The following PMFBP1 variants were observed in gnomAD, a reference collection of about 807,000 sequenced individuals.
The protein encoded by PMFBP1 is polyamine modulated factor 1 binding protein 1, also known as polyamine-modulated factor 1-binding protein 1.
In PMFBP1, 131 loss-of-function variants were observed where a neutral mutation model predicts 137.8. That is an observed-to-expected ratio of 0.95 (90% CI 0.82 to 1.10). The LOEUF is 1.10. Among genes scored for constraint, PMFBP1 ranks in the 50% least tolerant of loss-of-function variants. The probability of loss-of-function intolerance (pLI) is 0.00; values close to 1 mark genes in which losing one functional copy is unlikely to be tolerated. For missense variants in PMFBP1, 1,199 were observed against 1,175.4 expected (o/e 1.02, Z -0.29); for synonymous variants, 490 against 450.4 (o/e 1.09, Z -1.11).
chr16:72,192,767 T>A, the PMFBP1 span, among the ~76,000 whole-genome samples: 1 of 152,108 alleles, frequency 6.6e-6, no homozygotes, highest in East Asian at 1.9e-4. Context: ...CCAGGTGTGG[T>A]GGCACATGCC....
At chr16:72,202,471 C>G in the PMFBP1 span, among the ~76,000 whole-genome samples, 5 of 152,206 alleles carry the variant, frequency 3.3e-5, no homozygotes, top group African/African-American at 7.2e-5. Flanking sequence ...AGCCACTGAG[C>G]CTGGCCCTGA....
At chr16:72,135,105 G>A (rs1322627578) in intron 9 of PMFBP1, among the ~76,000 whole-genome samples, 2 of 152,112 alleles carry the variant, frequency 1.3e-5, no homozygotes, top group African/African-American at 4.8e-5. Flanking sequence ...TGTTTTGACG[G>A]GCATATCTCC....
chr16:72,179,345 G>C (rs2043268988), upstream of PMFBP1, among the ~76,000 whole-genome samples: 1 of 152,142 alleles, frequency 6.6e-6, no homozygotes, highest in Non-Finnish European at 1.5e-5. Flanking sequence ...ATTTCCACAA[G>C]AGCAACATTT....
the PMFBP1 span, among the ~76,000 whole-genome samples, chr16:72,184,987 A>C: frequency 1.3e-5 from 2 of 151,824 alleles, no homozygotes; most frequent in Non-Finnish European, 2.9e-5. Context: ...AGTGTTCCTT[A>C]AATGGTTTAG....
chr16:72,151,775 C>T (rs8052338), intron 4 of PMFBP1, among the ~76,000 whole-genome samples: 67,952 of 151,970 alleles, frequency 0.45, 15,617 homozygotes, highest in South Asian at 0.57. Flanking sequence ...CTGTCAGTGG[C>T]CAGCCCATAT....
chr16:72,200,643 T>C, the PMFBP1 span, among the ~76,000 whole-genome samples: 1 of 152,276 alleles, frequency 6.6e-6, no homozygotes, highest in African/African-American at 2.4e-5. Flanking sequence ...TGTGCTATTA[T>C]GCTAATATCT....
chr16:72,193,075 G>A, the PMFBP1 span, among the ~76,000 whole-genome samples: 1 of 151,976 alleles, frequency 6.6e-6, no homozygotes. Flanking sequence ...CTATATGGAG[G>A]ACCCTCTAAT....
chr16:72,123,101 C>G (rs12935266), intron 18 of PMFBP1, 113 bp from the exon 19 acceptor site: 541,290 of 909,908 alleles, frequency 0.59, 163,643 homozygotes, highest in African/African-American at 0.77. Flanking sequence ...CTGCATCCCA[C>G]GTCCCCCACG....
At chr16:72,228,107 C>T in the PMFBP1 span, among the ~76,000 whole-genome samples, 1 of 152,104 alleles carries the variant, frequency 6.6e-6, no homozygotes. Flanking sequence ...TTTTGTTAAA[C>T]ATCTTAAGGA....
At chr16:72,157,471 C>T (rs961882262) in intron 3 of PMFBP1, among the ~76,000 whole-genome samples, 7 of 152,002 alleles carry the variant, frequency 4.6e-5, no homozygotes, top group African/African-American at 1.4e-4. Context: ...GGAGTGATGG[C>T]CTTGGAGGTG....
upstream of PMFBP1, among the ~76,000 whole-genome samples, chr16:72,178,799 G>A (rs968913549): frequency 6.6e-6 from 1 of 152,104 alleles, no homozygotes; most frequent in East Asian, 1.9e-4. Flanking sequence ...TGGAGTCAGG[G>A]CTCACATTTT....
the PMFBP1 span, among the ~76,000 whole-genome samples, chr16:72,206,157 C>G: frequency 6.6e-6 from 1 of 152,158 alleles, no homozygotes. Context: ...TTAAAATGTA[C>G]AGGTAGATCT....
Position 72,130,692 on chromosome 16 carries a change from G to GCCTC in PMFBP1, c.1474_1477dup (p.Ala493GlyfsTer48). 6.2e-7 allele frequency: 1 copy of GCCTC among 1,613,354 alleles called. No homozygotes were observed. The highest frequency in any genetic ancestry group is 8.5e-7 in the Non-Finnish European group (1 of 1,179,966). On this transcript the variant is annotated frameshift_variant, in exon 11 of 21. Transcript: ENST00000237353. LOFTEE classifies it high-confidence loss of function. ...CTCCAGGTGACAGCCTGCCAGTGCA[G>GCCTC]CCTCTTCTTTGCACTGGGCTGCTTG... is the stretch of plus-strand genomic sequence containing the variant.
In PMFBP1 at chr16:72,130,569, T is replaced by C; in HGVS notation, c.1601A>G (p.Glu534Gly). 1.2e-6 allele frequency: 2 copies of C among 1,614,120 alleles called. No homozygotes were observed. Among genetic ancestry groups the C allele is most frequent in the Non-Finnish European group, 1.7e-6 (2 of 1,180,028 alleles). Residue 534 changes from glutamate (E) to glycine (G), a missense_variant, in exon 11 of 21, where the codon GAG becomes GGG. Physicochemically the swap from Glu to Gly is moderately conservative, Grantham distance 98. Coordinates refer to ENST00000237353, the MANE Select transcript of PMFBP1 (RefSeq NM_031293.3). ...LQRELQMLQK[E>G]SSMAEKEQTS... ...TTGTTCCTTCTCAGCCATCGAGGAC[T>C]CCTTCTGCAGCATCTGAAGTTCTCT...
chr16:72,188,039 C>A, the PMFBP1 span, among the ~76,000 whole-genome samples: 2 of 152,182 alleles, frequency 1.3e-5, no homozygotes, highest in Non-Finnish European at 2.9e-5. Flanking sequence ...CAAATGTTTT[C>A]ATCATAGGAT....
chr16:72,151,908 G>A (rs1016267697), intron 4 of PMFBP1, among the ~76,000 whole-genome samples: 5 of 152,164 alleles, frequency 3.3e-5, no homozygotes, highest in Non-Finnish European at 7.4e-5. Context: ...GACAGGGTAG[G>A]TTAGAAGTGC....
chr16:72,184,134 CTTCTGGCCATTCCTGAAATGGTCCCAGG>C, the PMFBP1 span, among the ~76,000 whole-genome samples: 1 of 152,216 alleles, frequency 6.6e-6, no homozygotes, highest in Non-Finnish European at 1.5e-5. Flanking sequence ...AAGTCCTCTC[CTTCTGGCCATTCCTGAAATGGTCCCAGG>C]TTCTTCCTGG....
chr16:72,171,958 A>G (rs2043226349), intron 1 of PMFBP1, 96 bp downstream of exon 1: 1 of 152,186 alleles, frequency 6.6e-6, no homozygotes, highest in Non-Finnish European at 1.5e-5. Context: ...GTACAGGATG[A>G]TGCATTTGAG....
intron 20 of PMFBP1, 55 bp downstream of exon 20, chr16:72,119,796 C>A (rs1344943372): frequency 1.3e-6 from 2 of 1,591,874 alleles, no homozygotes; most frequent in Non-Finnish European, 1.7e-6. Context: ...AATTCTCAAT[C>A]CAGTGATTTA....
Sources: allele counts gnomAD v4.1 joint callset (sites outside exome capture counted in the v4.1 genomes callset), GRCh38; gene constraint gnomAD v4.1.1; transcripts MANE v1.5; gene names NCBI Gene and HGNC (gene_info 2026-07-23, HGNC 2026-07-21).